The following WDR41 variants were observed in gnomAD, a reference collection of about 807,000 sequenced individuals.
WDR41 encodes WD repeat-containing protein 41.
In WDR41, 63 loss-of-function variants were observed where a neutral mutation model predicts 69.3. The ratio of observed to expected loss-of-function variants is 0.91; its 90% CI spans 0.74 to 1.12. The LOEUF (loss-of-function observed/expected upper bound fraction) is 1.12, where lower values mean the gene tolerates loss of function less well. Ranked by LOEUF, WDR41 falls within the 50% of genes most tolerant of loss-of-function variation. WDR41 has a pLI of 0.00. For synonymous variants in WDR41, 185 were observed against 192.1 expected, an observed-to-expected ratio of 0.96 and a Z score of 0.31; for missense variants, 543 against 534.5, an observed-to-expected ratio of 1.02 and a Z score of -0.16.
chr5:77,591,776 T>G (rs1232565583), intron 1 of WDR41, among the ~76,000 whole-genome samples: 1 of 152,154 alleles, frequency 6.6e-6, no homozygotes. Context: ...TTTCAGTCAT[T>G]TGATATTTGC....
At chr5:77,599,058 A>C (rs762182920) in intron 1 of WDR41, among the ~76,000 whole-genome samples, 2 of 152,004 alleles carry the variant, frequency 1.3e-5, no homozygotes, top group Non-Finnish European at 2.9e-5. Context: ...GCTACTACTA[A>C]TATTTCTAAA....
At chr5:77,591,948 T>C (rs1744144647) in intron 1 of WDR41, among the ~76,000 whole-genome samples, 2 of 152,148 alleles carry the variant, frequency 1.3e-5, no homozygotes, top group Non-Finnish European at 2.9e-5. Flanking sequence ...CCCTGCCTCC[T>C]CTATTGGTGA....
chr5:77,553,103 A>G (rs975380739), intron 1 of WDR41, among the ~76,000 whole-genome samples: 1 of 152,234 alleles, frequency 6.6e-6, no homozygotes, highest in Non-Finnish European at 1.5e-5. Flanking sequence ...TGAAAAGGAA[A>G]ACTACACACT....
intron 1 of WDR41, among the ~76,000 whole-genome samples, chr5:77,490,933 C>G (rs1425877092): frequency 6.6e-6 from 1 of 152,196 alleles, no homozygotes; most frequent in African/African-American, 2.4e-5. Flanking sequence ...CTACTCTCAA[C>G]AATCCAATTT....
intron 1 of WDR41, among the ~76,000 whole-genome samples, chr5:77,590,304 C>G (rs1744112883): frequency 6.6e-6 from 1 of 152,134 alleles, no homozygotes; most frequent in Non-Finnish European, 1.5e-5. Context: ...AGTGGATTAG[C>G]AGGCATCTCC....
intron 1 of WDR41, among the ~76,000 whole-genome samples, chr5:77,497,580 T>C (rs1561206760): frequency 6.6e-6 from 1 of 152,166 alleles, no homozygotes; most frequent in Non-Finnish European, 1.5e-5. Flanking sequence ...ATGCCTATAA[T>C]TTTTTTAAGC....
chr5:77,446,560 A>G (rs1161102041), intron 8 of WDR41, among the ~76,000 whole-genome samples: 1 of 152,212 alleles, frequency 6.6e-6, no homozygotes, highest in East Asian at 1.9e-4. Flanking sequence ...ACAACATGGA[A>G]TTGGTACCAA....
rs1452468413 is a variant in WDR41 at position 77,587,904 on chromosome 5, A to G, written c.42+32575T>C. On this transcript the variant is annotated intron_variant, in intron 1 of 5. Coordinates refer to the WDR41 transcript ENST00000509971. Reference sequence around the variant, plus strand: ...CAGCTAGAGCGCCATCTCCAAGTCAAGGAGAAAGGCTTCAGAGGAAACCAG... The same window carrying G: ...CAGCTAGAGCGCCATCTCCAAGTCAGGGAGAAAGGCTTCAGAGGAAACCAG... Among the ~76,000 whole-genome samples, 3 of 152,206 alleles carry G rather than the reference A, an allele frequency of 2.0e-5. No homozygotes were observed. The East Asian group carries it at 5.8e-4, about 29-fold the overall frequency.
chr5:77,478,472 C>G, intron 2 of WDR41, among the ~76,000 whole-genome samples: 1 of 152,152 alleles, frequency 6.6e-6, no homozygotes, highest in Non-Finnish European at 1.5e-5. Context: ...AAAAGCTTAT[C>G]CACCATGATC....
intron 2 of WDR41, among the ~76,000 whole-genome samples, chr5:77,469,867 C>T (rs1001748753): frequency 1.3e-5 from 2 of 152,150 alleles, no homozygotes; most frequent in Admixed American, 6.5e-5. Flanking sequence ...GGATATTATA[C>T]AGGAGAACTT....
Position 77,442,849 on chromosome 5 carries a change from G to A in WDR41, c.698-1852C>T, listed in dbSNP as rs147583986. Among the ~76,000 whole-genome samples, 453 of 119,802 alleles carry A rather than the reference G, an allele frequency of 3.8e-3. 4 individuals carry two copies. The highest frequency in any genetic ancestry group is 0.014 in the African/African-American group (417 of 29,912). The allele number at this position is 119,802 out of a possible 152,430, so 78.6% of individuals were successfully genotyped here. A position where few individuals can be genotyped will look rare whatever the true frequency, so the allele number is the denominator to read the frequency against. On this transcript the variant is annotated intron_variant, in intron 8 of 12. Transcript: ENST00000296679. ...GGAGCTTGCAGTAAGCCGAGATCGC[G>A]CCACTGCCCTCCAGCCTGGGCGACA...
intron 1 of WDR41, among the ~76,000 whole-genome samples, chr5:77,559,200 A>G (rs1201471798): frequency 1.3e-5 from 2 of 152,082 alleles, no homozygotes; most frequent in African/African-American, 2.4e-5. Context: ...TCATGTAAAC[A>G]CTCCCACTGT....
intron 1 of WDR41, among the ~76,000 whole-genome samples, chr5:77,498,122 AC>A (rs1226771337): frequency 6.6e-6 from 1 of 152,228 alleles, no homozygotes; most frequent in Non-Finnish European, 1.5e-5. Flanking sequence ...TTGAATGAGT[AC>A]AGAGTTTATG....
chr5:77,549,053 T>C (rs1209751715), intron 1 of WDR41, among the ~76,000 whole-genome samples: 1 of 151,922 alleles, frequency 6.6e-6, no homozygotes, highest in African/African-American at 2.4e-5. Context: ...AAACATCGTA[T>C]GTTCTCGCTT....
At chr5:77,559,113 G>A (rs889913923) in intron 1 of WDR41, among the ~76,000 whole-genome samples, 4 of 152,118 alleles carry the variant, frequency 2.6e-5, no homozygotes, top group East Asian at 1.9e-4. Context: ...ACAGTGGTAC[G>A]CTGGTAAATA....
At chr5:77,510,000 G>T (rs1209538063) in intron 1 of WDR41, among the ~76,000 whole-genome samples, 1 of 152,124 alleles carries the variant, frequency 6.6e-6, no homozygotes, top group African/African-American at 2.4e-5. Flanking sequence ...CATTGGCCAG[G>T]TTTGGATCCC....
Position 77,485,912 on chromosome 5 carries a change from A to C in WDR41, c.167+3545T>G, listed in dbSNP as rs554660804. Among the ~76,000 whole-genome samples the C allele has an allele frequency of 6.6e-5, 10 of 152,304 alleles. No individual in the cohort carries two copies. The East Asian group carries it at 1.9e-3, about 29-fold the overall frequency. ...TTCAATAAGATGATATTATCTAAAG[A>C]CTTGAAGCGTGAAACCTGGATTATA... On this transcript the variant is annotated intron_variant, in intron 2 of 12. Transcript: ENST00000296679.
Position 77,492,315 on chromosome 5 carries a change from C to G in WDR41, c.-95G>C, listed in dbSNP as rs1801843195. On this transcript the variant is annotated 5_prime_UTR_variant, in exon 1 of 13. Coordinates refer to ENST00000296679, the MANE Select transcript of WDR41 (RefSeq NM_018268.4). Reference sequence around the variant, plus strand: ...TCCTTCCTCCCCGGCTGCAGCGCAACTGAGACGCTAATACTTCCCGCCCCA... The same window carrying G: ...TCCTTCCTCCCCGGCTGCAGCGCAAGTGAGACGCTAATACTTCCCGCCCCA... 6.6e-7 allele frequency: 1 copy of G among 1,523,936 alleles called. No homozygotes were observed. Among genetic ancestry groups the G allele is most frequent in the Non-Finnish European group, 8.9e-7 (1 of 1,119,406 alleles). 94.4% of individuals were successfully genotyped at this position (1,523,936 alleles called of 1,614,324 possible). A position where few individuals can be genotyped will look rare whatever the true frequency, so the allele number is the denominator to read the frequency against.
At chr5:77,492,388 T>G (rs983285023), upstream of WDR41, 29 of 863,840 alleles carry the variant, frequency 3.4e-5, no homozygotes, top group Non-Finnish European at 4.4e-5. Flanking sequence ...GAGGGAGAAT[T>G]TTTGTCCCCA....
Sources: gnomAD v4.1 joint callset for allele counts (sites outside exome capture counted in the v4.1 genomes callset) on GRCh38, gnomAD v4.1.1 for gene constraint, MANE v1.5 for transcripts, NCBI Gene and HGNC (gene_info 2026-07-23, HGNC 2026-07-21) for gene names.